Variants in ASPH observed in about 807,000 individuals in gnomAD.
The protein encoded by ASPH is aspartyl/asparaginyl beta-hydroxylase.
ASPH carries 100 observed loss-of-function variants against 118.4 expected under a neutral mutation model. That is an observed-to-expected ratio of 0.84 (90% confidence interval 0.72 to 1.00). The LOEUF (loss-of-function observed/expected upper bound fraction) is 1.00. ASPH is among the 50% of genes least tolerant of loss of function. ASPH has a pLI of 0.00. For missense variants in ASPH, 920 were observed against 919.5 expected, an observed-to-expected ratio of 1.00 and a Z score of -0.01; for synonymous variants, 315 against 325.6, an observed-to-expected ratio of 0.97 and a Z score of 0.35.
intron 24 of ASPH, among the ~76,000 whole-genome samples, chr8:61,510,913 T>C (rs1158493356): frequency 6.6e-6 from 1 of 152,184 alleles, no homozygotes; most frequent in East Asian, 1.9e-4. Context: ...AGAAGGTTTA[T>C]GATTTCAGGG....
At chr8:61,702,323 C>T (rs577189942) in intron 1 of ASPH, among the ~76,000 whole-genome samples, 2 of 137,540 alleles carry the variant, frequency 1.5e-5, no homozygotes, top group South Asian at 4.6e-4. Flanking sequence ...CTCGCTCTGT[C>T]GCCCAGCCTG....
chr8:61,665,047 G>C, intron 3 of ASPH: 1 of 1,301,212 alleles, frequency 7.7e-7, no homozygotes, highest in African/African-American at 1.5e-5. Flanking sequence ...CATATTCTAT[G>C]ACATTTTTAA....
At chr8:61,641,394 C>A (rs2150948071) in intron 10 of ASPH, among the ~76,000 whole-genome samples, 1 of 152,220 alleles carries the variant, frequency 6.6e-6, no homozygotes. Context: ...TTACATGCAA[C>A]TTGTATTTAT....
chr8:61,509,951 A>C (rs1808180952), intron 24 of ASPH, among the ~76,000 whole-genome samples: 1 of 150,612 alleles, frequency 6.6e-6, no homozygotes, highest in Non-Finnish European at 1.5e-5. Flanking sequence ...CTCCTTCCTA[A>C]CTCCTTAAAG....
At position 61,551,823 on chromosome 8, in the gene ASPH, T is replaced by C. The variant is rs1826118457; in HGVS notation, c.1626+1208A>G. 2.0e-5 allele frequency among the ~76,000 whole-genome samples: 3 copies of C among 152,160 alleles called. No homozygotes were observed. The South Asian group carries it at 6.2e-4, about 32-fold the overall frequency. On this transcript the variant is annotated intron_variant, in intron 20 of 24. Transcript: ENST00000379454. ...TGAGTGATTACATCTAAAAGAAAAATGCGATGCAAAAAGGACTACTAATCA... is the reference window on the plus strand; with the variant it reads ...TGAGTGATTACATCTAAAAGAAAAACGCGATGCAAAAAGGACTACTAATCA...
chr8:61,579,147 A>C, intron 15 of ASPH: 1 of 1,611,940 alleles, frequency 6.2e-7, no homozygotes, highest in Non-Finnish European at 8.5e-7. Context: ...GATCTCTGAG[A>C]TGAACTGGAA....
intron 18 of ASPH, among the ~76,000 whole-genome samples, chr8:61,558,688 C>T (rs1239861407): frequency 1.3e-5 from 2 of 152,144 alleles, no homozygotes; most frequent in Non-Finnish European, 2.9e-5. Context: ...CTTCTTTGTG[C>T]GTGGGTACCA....
intron 3 of ASPH, chr8:61,665,355 A>G (rs762260016): frequency 9.9e-6 from 16 of 1,613,652 alleles, no homozygotes; most frequent in African/African-American, 8.0e-5. Flanking sequence ...ATTTTACTAG[A>G]AACATCCTTC....
rs765485026 is a variant in ASPH at position 61,619,002 on chromosome 8, C to T, written c.952G>A (p.Asp318Asn). 6.2e-7 allele frequency: 1 copy of T among 1,605,590 alleles called. No individual in the cohort carries two copies. Among genetic ancestry groups the T allele is most frequent in the East Asian group, 2.2e-5 (1 of 44,560 alleles). ...CCTTTTGCTTTTTGTTCTGGATCATCTGTTTTTCTATTTGTTTCTGAAAAT... is the reference window on the plus strand; with the variant it reads ...CCTTTTGCTTTTTGTTCTGGATCATTTGTTTTTCTATTTGTTTCTGAAAAT... ...EVPPETNRKT[D>N]DPEQKAKVKK... The change falls in exon 14 of 25, where the codon GAT becomes AAT. Residue 318 changes from aspartate (D) to asparagine (N), a missense_variant. Transcript: ENST00000379454.
intron 1 of ASPH, among the ~76,000 whole-genome samples, chr8:61,706,149 T>C (rs1419050717): frequency 6.6e-6 from 1 of 151,598 alleles, no homozygotes; most frequent in Non-Finnish European, 1.5e-5. Context: ...ATAGGCCAGG[T>C]GCAGGGCTCA....
intron 3 of ASPH, among the ~76,000 whole-genome samples, chr8:61,655,643 T>A (rs755045912): frequency 1.3e-5 from 2 of 152,194 alleles, no homozygotes; most frequent in Non-Finnish European, 2.9e-5. Context: ...ATACCAACAT[T>A]CCGACATACA....
intron 3 of ASPH, chr8:61,675,803 AACCAATTAT>A: frequency 8.0e-7 from 1 of 1,245,008 alleles, no homozygotes; most frequent in East Asian, 3.3e-5. Context: ...ACGATACAGA[AACCAATTAT>A]ACCACCAAGA....
In ASPH at chr8:61,670,589, G is replaced by A. The variant is rs79802663; in HGVS notation, c.322+10379C>T. 4.1e-3 allele frequency among the ~76,000 whole-genome samples: 617 copies of A among 152,044 alleles called. 10 individuals carry two copies. In the East Asian group the frequency reaches 0.045, roughly 11 times the overall value. ...CCTAGATTCTGAGGGGAACAGAAAA[G>A]GAAAAAGTTTGAAGAATTTTATCCG... On this transcript the variant is annotated intron_variant, in intron 3 of 24. Coordinates refer to ENST00000379454, the MANE Select transcript of ASPH (RefSeq NM_004318.4).
chr8:61,608,293 G>A (rs1033171353), intron 14 of ASPH, among the ~76,000 whole-genome samples: 6 of 152,204 alleles, frequency 3.9e-5, no homozygotes, highest in Non-Finnish European at 7.3e-5. Context: ...TGAGTGAGGT[G>A]AGAGTCTGCC....
At chr8:61,700,575 T>C (rs1251279995) in intron 1 of ASPH, among the ~76,000 whole-genome samples, 1 of 152,170 alleles carries the variant, frequency 6.6e-6, no homozygotes, top group Non-Finnish European at 1.5e-5. Context: ...CTCAATAAAA[T>C]GGCTACAAAA....
chr8:61,559,018 G>A (rs1464557076), intron 18 of ASPH, among the ~76,000 whole-genome samples: 2 of 151,780 alleles, frequency 1.3e-5, no homozygotes, highest in African/African-American at 4.8e-5. Context: ...CTTCCTTATG[G>A]CTTTTACAGT....
At chr8:61,517,459 C>G in intron 24 of ASPH, 69 bp downstream of exon 24, 2 of 1,561,364 alleles carry the variant, frequency 1.3e-6, no homozygotes, top group Non-Finnish European at 1.8e-6. Context: ...TCCAAAGGAA[C>G]ACAACTGTGT....
In ASPH at chr8:61,555,901, AGAG is replaced by A. The variant is rs1328738829; in HGVS notation, c.1536+20_1536+22del. On this transcript the variant is annotated intron_variant, in intron 19 of 24. Coordinates refer to ENST00000379454, the MANE Select transcript of ASPH (RefSeq NM_004318.4). Reference sequence around the variant, plus strand: ...CTCGAAGGACTTGAAAGATGAAAGGAGAGGAGAAGCAGTGAGCATTACCTTTAA... The same window carrying A: ...CTCGAAGGACTTGAAAGATGAAAGGAGAGAAGCAGTGAGCATTACCTTTAA... The A allele has an allele frequency of 6.3e-7, 1 of 1,599,178 alleles. No individual in the cohort carries two copies. Among genetic ancestry groups the A allele is most frequent in the South Asian group, 1.1e-5 (1 of 90,368 alleles).
intron 5 of ASPH, among the ~76,000 whole-genome samples, chr8:61,648,539 T>C (rs916598422): frequency 6.6e-6 from 1 of 152,276 alleles, no homozygotes; most frequent in Non-Finnish European, 1.5e-5. Flanking sequence ...TTCCTTATTC[T>C]TCTTTCATTC....
Sources: allele counts gnomAD v4.1 joint callset (sites outside exome capture counted in the v4.1 genomes callset), GRCh38; gene constraint gnomAD v4.1.1; transcripts MANE v1.5; gene names NCBI Gene and HGNC (gene_info 2026-07-23, HGNC 2026-07-21).